The following ZNF440 variants were observed in gnomAD, a reference collection of about 807,000 sequenced individuals.
The protein encoded by ZNF440 is zinc finger protein 440.
A neutral mutation model predicts 49.7 loss-of-function variants in ZNF440; 47 were observed. That is an observed-to-expected ratio of 0.95 (90% CI 0.75 to 1.21). ZNF440 has a LOEUF of 1.21. ZNF440 is among the 50% of genes most tolerant of loss of function. The pLI is 0.00. For missense variants in ZNF440, 703 were observed against 715.0 expected (o/e 0.98, Z 0.19); for synonymous variants, 255 against 237.7 (o/e 1.07, Z -0.67).
At position 11,831,922 on chromosome 19, in the gene ZNF440, C is replaced by T. The variant is rs1249472634; in HGVS notation, c.746C>T (p.Thr249Ile). ...YSATHRIHKR[T>I]HTGEKPYEYQ... ...GCTACCCATCGAATACATAAAAGAA[C>T]TCACACTGGAGAAAAGCCTTATGAA... Residue 249 changes from threonine (T) to isoleucine (I), a missense_variant, in exon 4 of 4, where the codon ACT becomes ATT. By Grantham distance (89) the Thr-to-Ile change is moderately conservative (BLOSUM62 -1). Coordinates refer to ENST00000304060, the MANE Select transcript of ZNF440 (RefSeq NM_152357.3). The T allele has an allele frequency of 6.2e-7, 1 of 1,613,908 alleles. No homozygotes were observed. The highest frequency in any genetic ancestry group is 1.7e-5 in the Admixed American group (1 of 59,992).
chr19:11,818,858 G>C (rs1382098465), intron 1 of ZNF440, among the ~76,000 whole-genome samples: 2 of 152,014 alleles, frequency 1.3e-5, no homozygotes, highest in Admixed American at 1.3e-4. Context: ...AATTCATTAT[G>C]GTTTTTTTTC....
intron 1 of ZNF440, among the ~76,000 whole-genome samples, chr19:11,815,289 C>CACACACAG (rs1555690478): frequency 7.0e-6 from 1 of 143,808 alleles, no homozygotes; most frequent in Non-Finnish European, 1.5e-5. Context: ...CTCCGTCACA[C>CACACACAG]ACACACACAC....
chr19:11,826,229 C>T (rs1975864494), intron 1 of ZNF440, among the ~76,000 whole-genome samples: 1 of 152,182 alleles, frequency 6.6e-6, no homozygotes, highest in African/African-American at 2.4e-5. Flanking sequence ...CGCCTCATCC[C>T]TGAGTTCCCA....
At chr19:11,817,150 A>G (rs1013364841) in intron 1 of ZNF440, 1 of 152,240 alleles carries the variant, frequency 6.6e-6, no homozygotes, top group Non-Finnish European at 1.5e-5. Flanking sequence ...CAGACTCCAG[A>G]GAAATGGACT....
In ZNF440 at chr19:11,831,374, C is replaced by T. The variant is rs372709544; in HGVS notation, c.198C>T (p.Leu66=). Residue 66 remains leucine (L), a synonymous_variant, in exon 4 of 4, where the codon CTC becomes CTT. Coordinates refer to ENST00000304060, the MANE Select transcript of ZNF440 (RefSeq NM_152357.3). The part of the protein sequence containing the change: ...HQNPRRNFRS[L]IEEKVNEIKD... ...TGCTTCTCATTTTTGACAGGAGTCT[C>T]ATAGAAGAAAAAGTCAATGAAATTA... The T allele has an allele frequency of 1.2e-5, 19 of 1,605,478 alleles. No individual in the cohort carries two copies. Among genetic ancestry groups the T allele is most frequent in the African/African-American group, 1.1e-4 (8 of 74,068 alleles).
Position 11,832,581 on chromosome 19 carries a change from T to C in ZNF440, c.1405T>C (p.Cys469Arg), listed in dbSNP as rs749396702. Residue 469 changes from cysteine (C) to arginine (R), a missense_variant, in exon 4 of 4, where the codon TGT becomes CGT. By Grantham distance (180) the Cys-to-Arg change is radical. Transcript: ENST00000304060. ...TAAGATATGTGGGAAAGGCTTTTAT[T>C]GTCCCAAATCATTTCAAAGACATGA... ...KCKICGKGFY[C>R]PKSFQRHEKT... is the part of the protein sequence containing the mutation. The C allele has an allele frequency of 2.5e-6, 4 of 1,613,660 alleles. No homozygotes were observed. The South Asian group carries it at 4.4e-5, about 18-fold the overall frequency.
intron 1 of ZNF440, among the ~76,000 whole-genome samples, chr19:11,822,936 T>C (rs1975817195): frequency 6.6e-6 from 1 of 152,012 alleles, no homozygotes; most frequent in African/African-American, 2.4e-5. Flanking sequence ...TTCTCTTAAT[T>C]AGTATAGCAT....
At chr19:11,831,218 T>C in intron 3 of ZNF440, 150 bp from the exon 4 acceptor site, 1 of 1,075,464 alleles carries the variant, frequency 9.3e-7, no homozygotes, top group Non-Finnish European at 1.3e-6. Context: ...CCTTGTAGAA[T>C]ATGTTGTCCA....
intron 1 of ZNF440, among the ~76,000 whole-genome samples, chr19:11,819,646 C>T (rs748479859): frequency 3.0e-4 from 45 of 152,180 alleles, no homozygotes; most frequent in Non-Finnish European, 6.5e-4. Context: ...GTGATCCGTT[C>T]GCCTTGGCCT....
chr19:11,828,637 G>A (rs768247611), intron 1 of ZNF440, among the ~76,000 whole-genome samples: 151 of 151,382 alleles, frequency 1.0e-3, no homozygotes, highest in Admixed American at 4.5e-3. Flanking sequence ...CAATTATCCC[G>A]AGGTGTCATG....
intron 1 of ZNF440, among the ~76,000 whole-genome samples, chr19:11,820,658 G>C (rs1408757445): frequency 2.0e-5 from 3 of 152,162 alleles, no homozygotes; most frequent in Non-Finnish European, 4.4e-5. Flanking sequence ...TGAGGGAGCA[G>C]CTGAATGAAT....
rs757853355 is a variant in ZNF440, at chr19:11,832,297, G to T, written c.1121G>T (p.Gly374Val). The change falls in exon 4 of 4, where the codon GGT becomes GTT. Residue 374 changes from glycine (G) to valine (V), a missense_variant. Physicochemically the swap from Gly to Val is moderately radical, Grantham distance 109. Transcript: ENST00000304060. ...AAACCCTATAAATGTAAGCAGTGTG[G>T]TAAAGCCTTCCCTCATTCCAGTTCC... ...GEKPYKCKQC[G>V]KAFPHSSSLR... 7 of 1,614,124 alleles carry T rather than the reference G, an allele frequency of 4.3e-6. No homozygotes were observed. The Middle Eastern group carries it at 6.6e-4, about 152-fold the overall frequency.
Position 11,834,171 on chromosome 19 carries a change from G to T in ZNF440, c.*1207G>T. On this transcript the variant is annotated 3_prime_UTR_variant, in exon 4 of 4. Coordinates refer to ENST00000304060, the MANE Select transcript of ZNF440 (RefSeq NM_152357.3). ...AGAAAGAATCTCACTCTGTCACCCA[G>T]GCTGGAGTGCAGTGGCATGATCTCA... 3.4e-6 allele frequency: 1 copy of T among 290,248 alleles called. No individual in the cohort carries two copies. 18.0% of individuals were successfully genotyped at this position (290,248 alleles called of 1,614,324 possible).
chr19:11,815,375 T>G (rs1056125747), intron 1 of ZNF440, among the ~76,000 whole-genome samples: 1 of 151,420 alleles, frequency 6.6e-6, no homozygotes, highest in African/African-American at 2.4e-5. Flanking sequence ...TGTCCGTTAC[T>G]AGGCGGGAAG....
intron 1 of ZNF440, among the ~76,000 whole-genome samples, chr19:11,821,024 CCAGA>C (rs535487393): frequency 2.7e-4 from 41 of 152,304 alleles, no homozygotes; most frequent in African/African-American, 9.9e-4. Context: ...AGAATCACCA[CCAGA>C]CACTTTCCTG....
chr19:11,831,640 A>AC lies in ZNF440; in HGVS notation c.466dup (p.Arg156ProfsTer5). The AC allele has an allele frequency of 6.2e-7, 1 of 1,614,194 alleles. No homozygotes were observed. On this transcript the variant is annotated frameshift_variant, in exon 4 of 4. Transcript: ENST00000304060. LOFTEE classifies it high-confidence loss of function. ...CAACAACCTAAAAAAGCCTTCAGATACCGCCCCTCCTTTAGAACACAAGAA... is the reference window on the plus strand; with the variant it reads ...CAACAACCTAAAAAAGCCTTCAGATACCCGCCCCTCCTTTAGAACACAAGAA...
chr19:11,825,772 A>G (rs1021738778), intron 1 of ZNF440, among the ~76,000 whole-genome samples: 6 of 143,372 alleles, frequency 4.2e-5, no homozygotes, highest in African/African-American at 1.3e-4. Flanking sequence ...GTGAGCCACC[A>G]TGTCCGGCCA....
intron 1 of ZNF440, among the ~76,000 whole-genome samples, chr19:11,823,531 TTTAA>T (rs1358710438): frequency 4.5e-4 from 68 of 152,340 alleles, no homozygotes; most frequent in Middle Eastern, 3.4e-3. Flanking sequence ...CATAGTGCTA[TTTAA>T]TCTCCTTTTA....
rs1975976032 is a variant in ZNF440, at chr19:11,833,226, G to C, written c.*262G>C. 1.0e-6 allele frequency: 1 copy of C among 954,682 alleles called. No individual in the cohort carries two copies. Among genetic ancestry groups the C allele is most frequent in the African/African-American group, 1.7e-5 (1 of 60,496 alleles). The allele number at this position is 954,682 out of a possible 1,614,324, so 59.1% of individuals were successfully genotyped here. A position where few individuals can be genotyped will look rare whatever the true frequency, so the allele number is the denominator to read the frequency against. ...CGATTTCATAAAAGGACACACACTG[G>C]AGAGAAACCCTGTGAATGTAAGAAA... On this transcript the variant is annotated 3_prime_UTR_variant, in exon 4 of 4. Transcript: ENST00000304060.
Sources: allele counts gnomAD v4.1 joint callset (sites outside exome capture counted in the v4.1 genomes callset), GRCh38; gene constraint gnomAD v4.1.1; transcripts MANE v1.5; gene names NCBI Gene and HGNC (gene_info 2026-07-23, HGNC 2026-07-21).